OSBPL3: variants seen among roughly 807,000 people sequenced by gnomAD.
The protein encoded by OSBPL3 is oxysterol binding protein like 3, also known as oxysterol-binding protein-related protein 3.
Under a neutral mutation model 120.1 loss-of-function variants are expected in OSBPL3, and 65 were observed. The ratio of observed to expected loss-of-function variants is 0.54; its 90% CI spans 0.44 to 0.67. OSBPL3 has a LOEUF of 0.67. Among genes scored for constraint, OSBPL3 ranks in the 30% least tolerant of loss-of-function variants. The pLI is 0.00. For synonymous variants in OSBPL3, 416 were observed against 402.6 expected, an observed-to-expected ratio of 1.03 and a Z score of -0.40; for missense variants, 1,004 against 1,082.1, an observed-to-expected ratio of 0.93 and a Z score of 1.01.
chr7:24,872,103 A>G lies in OSBPL3; in HGVS notation c.97-34T>C. On this transcript the variant is annotated intron_variant, in intron 2 of 22. Transcript: ENST00000313367. This position sits in a 1 kb window ranked among gnomAD's most constrained non-coding sequence, Gnocchi z 4.1. ...ACAAAAGAGTTCATGTTAAATGTCT[A>G]TCTTTTTGAAAAATAATAATGGTAA... 2 of 1,377,952 alleles carry G rather than the reference A, an allele frequency of 1.5e-6. No homozygotes were observed. The highest frequency in any genetic ancestry group is 2.1e-6 in the Non-Finnish European group (2 of 966,496). 85.4% of individuals were successfully genotyped at this position (1,377,952 alleles called of 1,614,324 possible). A position where few individuals can be genotyped will look rare whatever the true frequency, so the allele number is the denominator to read the frequency against.
At chr7:24,890,512 A>G (rs1409599399) in intron 2 of OSBPL3, among the ~76,000 whole-genome samples, 1 of 152,186 alleles carries the variant, frequency 6.6e-6, no homozygotes, top group Non-Finnish European at 1.5e-5. Flanking sequence ...CCGTGGATGG[A>G]AACACTAAGC....
chr7:24,963,612 G>A (rs752032512), intron 1 of OSBPL3, among the ~76,000 whole-genome samples: 2 of 152,202 alleles, frequency 1.3e-5, no homozygotes, highest in Non-Finnish European at 2.9e-5. Flanking sequence ...GACTCTGAGT[G>A]GTGGAATCTG....
rs557899854 is a variant in OSBPL3, at chr7:24,953,472, T to G, written c.-150+26414A>C. ...AAAAAGTATTACGTATCTGCTGAAT[T>G]GTAATCAGACTTGAATAATCATCTT... On this transcript the variant is annotated intron_variant, in intron 1 of 22. Transcript: ENST00000313367. This position sits in a 1 kb window ranked among gnomAD's most constrained non-coding sequence, Gnocchi z 4.3. 6.6e-6 allele frequency among the ~76,000 whole-genome samples: 1 copy of G among 152,362 alleles called. No homozygotes were observed. The highest frequency in any genetic ancestry group is 1.5e-5 in the Non-Finnish European group (1 of 68,032).
chr7:24,863,074 C>G lies in OSBPL3; in HGVS notation c.870+126G>C. 1 of 698,072 alleles carries G rather than the reference C, an allele frequency of 1.4e-6. No individual in the cohort carries two copies. Among genetic ancestry groups the G allele is most frequent in the Non-Finnish European group, 2.6e-6 (1 of 385,108 alleles). The allele number at this position is 698,072 out of a possible 1,614,324, so 43.2% of individuals were successfully genotyped here. A position where few individuals can be genotyped will look rare whatever the true frequency, so the allele number is the denominator to read the frequency against. Reference sequence around the variant, plus strand: ...TCAATTCATCTCGCTACAGAGGACACTGGAAAGAACAACTACAGAATATTC... The same window carrying G: ...TCAATTCATCTCGCTACAGAGGACAGTGGAAAGAACAACTACAGAATATTC... On this transcript the variant is annotated intron_variant, in intron 9 of 22. Transcript: ENST00000313367. This position sits in a 1 kb window ranked among gnomAD's most constrained non-coding sequence, Gnocchi z 5.8.
At position 24,955,061 on chromosome 7, in the gene OSBPL3, A is replaced by G. The variant is rs1219755880; in HGVS notation, c.-150+24825T>C. ...ATTCTCAGTATCTGACCATTTGTCAACTCTGCCACGGAGTTAGCCTTATCT... is the reference window on the plus strand; with the variant it reads ...ATTCTCAGTATCTGACCATTTGTCAGCTCTGCCACGGAGTTAGCCTTATCT... On this transcript the variant is annotated intron_variant, in intron 1 of 22. Coordinates refer to ENST00000313367, the MANE Select transcript of OSBPL3 (RefSeq NM_015550.4). The surrounding 1 kb of genome is among the most constrained non-coding windows in gnomAD (Gnocchi z 4.3). 6.6e-6 allele frequency among the ~76,000 whole-genome samples: 1 copy of G among 152,094 alleles called. No individual in the cohort carries two copies. Among genetic ancestry groups the G allele is most frequent in the Non-Finnish European group, 1.5e-5 (1 of 68,004 alleles).
rs1203272026 is a variant in OSBPL3 at position 24,953,021 on chromosome 7, C to CA, written c.-150+26864dup. On this transcript the variant is annotated intron_variant, in intron 1 of 22. Transcript: ENST00000313367. The surrounding 1 kb of genome is among the most constrained non-coding windows in gnomAD (Gnocchi z 4.3). ...GCATGGTGGTGCATGCTTGTAGTCC[C>CA]ACCTACTTGAGAGACTAGGATAGGA... 6.6e-6 allele frequency among the ~76,000 whole-genome samples: 1 copy of CA among 152,126 alleles called. No homozygotes were observed. Among genetic ancestry groups the CA allele is most frequent in the Non-Finnish European group, 1.5e-5 (1 of 68,014 alleles).
chr7:24,832,513 G>GAA (rs1192440659), intron 15 of OSBPL3, among the ~76,000 whole-genome samples: 3 of 103,924 alleles, frequency 2.9e-5, no homozygotes, highest in African/African-American at 1.1e-4. Context: ...CTGCCTCAAA[G>GAA]AAAAAAAAAA....
At position 24,803,579 on chromosome 7, in the gene OSBPL3, T is replaced by C. The variant is rs1792642179; in HGVS notation, c.2567+736A>G. On this transcript the variant is annotated intron_variant, in intron 22 of 22. Transcript: ENST00000313367. This position sits in a 1 kb window ranked among gnomAD's most constrained non-coding sequence, Gnocchi z 4.2. ...CGAGGTCAGGAGATTGAGACCATCC[T>C]GGCCAACAAGGTGAAACCCCGTCTC... Among the ~76,000 whole-genome samples, 1 of 152,100 alleles carries C rather than the reference T, an allele frequency of 6.6e-6. No individual in the cohort carries two copies. The highest frequency in any genetic ancestry group is 1.5e-5 in the Non-Finnish European group (1 of 68,008).
chr7:24,958,141 T>C (rs1251112798), intron 1 of OSBPL3, among the ~76,000 whole-genome samples: 1 of 152,148 alleles, frequency 6.6e-6, no homozygotes, highest in African/African-American at 2.4e-5. Flanking sequence ...TTTAAAAAGA[T>C]TGCCAGATTG....
intron 1 of OSBPL3, among the ~76,000 whole-genome samples, chr7:24,935,821 T>C (rs1812338385): frequency 6.6e-6 from 1 of 152,174 alleles, no homozygotes; most frequent in Non-Finnish European, 1.5e-5. Flanking sequence ...TGAGTTGCTT[T>C]AATAAAGCAG....
rs142205709 is a variant in OSBPL3, at chr7:24,900,217, T to C, written c.-149-7596A>G. Among the ~76,000 whole-genome samples the C allele has an allele frequency of 1.9e-3, 290 of 152,322 alleles. 2 individuals carry two copies. The highest frequency in any genetic ancestry group is 6.7e-3 in the African/African-American group (277 of 41,572). The stretch of plus-strand genomic sequence containing the variant: ...TTTTTCACAAGTTCTCCAGGTGACC[T>C]GAATGCACAAGTCCAAAACCACTGC... On this transcript the variant is annotated intron_variant, in intron 1 of 22. Transcript: ENST00000313367. This position sits in a 1 kb window ranked among gnomAD's most constrained non-coding sequence, Gnocchi z 4.5.
At chr7:24,800,867 A>G (rs1792237735) in intron 22 of OSBPL3, among the ~76,000 whole-genome samples, 1 of 151,828 alleles carries the variant, frequency 6.6e-6, no homozygotes, top group Non-Finnish European at 1.5e-5. Flanking sequence ...AACTTGCATG[A>G]CTGTCAGCAC....
At chr7:24,970,109 T>C (rs981837815) in intron 1 of OSBPL3, among the ~76,000 whole-genome samples, 1 of 138,690 alleles carries the variant, frequency 7.2e-6, no homozygotes. Flanking sequence ...CCTTTCTTTT[T>C]TTTTTTTTTT....
chr7:24,885,567 A>G (rs1346769960), intron 2 of OSBPL3, among the ~76,000 whole-genome samples: 2 of 152,214 alleles, frequency 1.3e-5, no homozygotes, highest in Non-Finnish European at 2.9e-5. Context: ...TCCATTTCAA[A>G]ACCCCTGCAA....
rs1803381588 is a variant in OSBPL3 at position 24,879,739 on chromosome 7, CA to C, written c.97-7671del. Among the ~76,000 whole-genome samples the C allele has an allele frequency of 6.6e-6, 1 of 152,158 alleles. No homozygotes were observed. The highest frequency in any genetic ancestry group is 2.4e-5 in the African/African-American group (1 of 41,442). Reference sequence around the variant, plus strand: ...AGTTTCCAAAGAGAAAAACGCTTTCCAACTGTATTGACCACAGACGGATTTA... The same window carrying C: ...AGTTTCCAAAGAGAAAAACGCTTTCCACTGTATTGACCACAGACGGATTTA... On this transcript the variant is annotated intron_variant, in intron 2 of 22. Coordinates refer to ENST00000313367, the MANE Select transcript of OSBPL3 (RefSeq NM_015550.4). This position sits in a 1 kb window ranked among gnomAD's most constrained non-coding sequence, Gnocchi z 5.6.
intron 10 of OSBPL3, among the ~76,000 whole-genome samples, chr7:24,857,289 C>G (rs1445216936): frequency 6.6e-6 from 1 of 152,190 alleles, no homozygotes; most frequent in Non-Finnish European, 1.5e-5. Flanking sequence ...ACATCATTTG[C>G]TTCCCTTCCA....
In OSBPL3 at chr7:24,867,260, T is replaced by G. The variant is rs1801464124; in HGVS notation, c.382-1023A>C. On this transcript the variant is annotated intron_variant, in intron 5 of 22. Transcript: ENST00000313367. This position sits in a 1 kb window ranked among gnomAD's most constrained non-coding sequence, Gnocchi z 4.5. ...TAGCACCATTTTTCTTTTTAAACTCTTTTATAATTCAGACTTTTCAGATTA... is the reference window on the plus strand; with the variant it reads ...TAGCACCATTTTTCTTTTTAAACTCGTTTATAATTCAGACTTTTCAGATTA... Among the ~76,000 whole-genome samples, 1 of 152,242 alleles carries G rather than the reference T, an allele frequency of 6.6e-6. No individual in the cohort carries two copies. The highest frequency in any genetic ancestry group is 1.5e-5 in the Non-Finnish European group (1 of 68,042).
At position 24,803,947 on chromosome 7, in the gene OSBPL3, A is replaced by C. The variant is rs1792698092; in HGVS notation, c.2567+368T>G. Among the ~76,000 whole-genome samples, 1 of 152,128 alleles carries C rather than the reference A, an allele frequency of 6.6e-6. No individual in the cohort carries two copies. Among genetic ancestry groups the C allele is most frequent in the African/African-American group, 2.4e-5 (1 of 41,436 alleles). Reference sequence around the variant, plus strand: ...CGTGAATGATCTCTGTCATGGTGTAAAACATGCCTATGGGGGTGACCAACC... The same window carrying C: ...CGTGAATGATCTCTGTCATGGTGTACAACATGCCTATGGGGGTGACCAACC... On this transcript the variant is annotated intron_variant, in intron 22 of 22. Transcript: ENST00000313367. The surrounding 1 kb of genome is among the most constrained non-coding windows in gnomAD (Gnocchi z 4.2).
intron 16 of OSBPL3, among the ~76,000 whole-genome samples, chr7:24,825,688 CA>C (rs1369776931): frequency 6.6e-6 from 1 of 152,112 alleles, no homozygotes; most frequent in East Asian, 1.9e-4. Flanking sequence ...CTAGTAGATA[CA>C]AGGACTATGC....
Sources: allele counts gnomAD v4.1 joint callset (sites outside exome capture counted in the v4.1 genomes callset), GRCh38; gene constraint gnomAD v4.1.1; non-coding constraint Gnocchi (gnomAD v3.1); transcripts MANE v1.5; gene names NCBI Gene and HGNC (gene_info 2026-07-23, HGNC 2026-07-21).